The following TDRD3 variants were observed in gnomAD, a reference collection of about 807,000 sequenced individuals.
The protein encoded by TDRD3 is tudor domain containing 3, also known as tudor domain-containing protein 3.
A neutral mutation model predicts 86.7 loss-of-function variants in TDRD3; 45 were observed. The observed-to-expected ratio is 0.52, with a 90% confidence interval of 0.41 to 0.67. The LOEUF is 0.67. TDRD3 is among the 30% of genes least tolerant of loss of function. TDRD3 has a pLI of 0.00. For synonymous variants in TDRD3, 298 were observed against 301.7 expected (o/e 0.99, Z 0.13); for missense variants, 814 against 889.0 (o/e 0.92, Z 1.07).
chr13:60,398,305 A>T (rs895735705), intron 1 of TDRD3, among the ~76,000 whole-genome samples: 4 of 152,116 alleles, frequency 2.6e-5, no homozygotes, highest in African/African-American at 9.7e-5. Flanking sequence ...TAAAAGACCA[A>T]ACAAAACCAG....
At chr13:60,412,885 G>A (rs1219513313) in intron 1 of TDRD3, among the ~76,000 whole-genome samples, 1 of 152,046 alleles carries the variant, frequency 6.6e-6, no homozygotes, top group Non-Finnish European at 1.5e-5. Context: ...TTAAGCAAAA[G>A]TATATGTAAA....
At chr13:60,509,513 A>C in intron 8 of TDRD3, 1 of 423,844 alleles carries the variant, frequency 2.4e-6, no homozygotes, top group Non-Finnish European at 4.3e-6. Context: ...CATATCATAA[A>C]ATTTATTTTT....
chr13:60,482,358 C>G (rs1277776474), intron 5 of TDRD3, among the ~76,000 whole-genome samples: 2 of 152,022 alleles, frequency 1.3e-5, no homozygotes. Flanking sequence ...GGATAATAGT[C>G]TTGCATTATC....
intron 1 of TDRD3, among the ~76,000 whole-genome samples, chr13:60,402,881 G>A (rs1010889611): frequency 2.0e-5 from 3 of 151,992 alleles, no homozygotes; most frequent in African/African-American, 7.3e-5. Flanking sequence ...TCAGATTTTA[G>A]TGGAGCTTAT....
intron 3 of TDRD3, 80 bp downstream of exon 3, chr13:60,444,828 T>C: frequency 1.2e-6 from 1 of 863,152 alleles, no homozygotes; most frequent in Non-Finnish European, 1.7e-6. Flanking sequence ...TTACTTTTTG[T>C]CAATAAAGAC....
intron 12 of TDRD3, among the ~76,000 whole-genome samples, chr13:60,546,444 T>C (rs1279731593): frequency 2.6e-5 from 4 of 152,074 alleles, no homozygotes; most frequent in African/African-American, 9.7e-5. Context: ...AATTTTGTTA[T>C]AGAAGTTTAA....
intron 12 of TDRD3, among the ~76,000 whole-genome samples, chr13:60,559,150 C>G (rs1310610134): frequency 6.6e-6 from 1 of 152,160 alleles, no homozygotes; most frequent in Non-Finnish European, 1.5e-5. Context: ...ATAGCCAACA[C>G]TGCCTATTTG....
chr13:60,451,414 C>T (rs952093059), intron 3 of TDRD3, among the ~76,000 whole-genome samples: 1 of 152,144 alleles, frequency 6.6e-6, no homozygotes, highest in African/African-American at 2.4e-5. Context: ...AGATGCTTGC[C>T]GTGTGCTGGA....
At chr13:60,565,545 G>A (rs1048186381) in intron 12 of TDRD3, among the ~76,000 whole-genome samples, 12 of 152,032 alleles carry the variant, frequency 7.9e-5, no homozygotes, top group Non-Finnish European at 1.8e-4. Flanking sequence ...TAGCATTGTC[G>A]TTTTTATTAT....
At chr13:60,478,452 G>A (rs1337568396) in intron 5 of TDRD3, among the ~76,000 whole-genome samples, 3 of 151,824 alleles carry the variant, frequency 2.0e-5, no homozygotes, top group Admixed American at 6.6e-5. Flanking sequence ...TTGCAAGCCC[G>A]TGCCACCACA....
intron 8 of TDRD3, among the ~76,000 whole-genome samples, chr13:60,498,941 T>C (rs1956774221): frequency 6.6e-6 from 1 of 152,098 alleles, no homozygotes; most frequent in Non-Finnish European, 1.5e-5. Flanking sequence ...GTGGGTCCAG[T>C]GGGTACGCGG....
chr13:60,469,976 A>G lies in TDRD3; in HGVS notation c.495+2597A>G, dbSNP rs112074471. The stretch of plus-strand genomic sequence containing the variant: ...GCATTGTTGCACAGCTGGTACCACC[A>G]TCCACTTCCCTAACTTTTTCATCTT... On this transcript the variant is annotated intron_variant, in intron 5 of 13. Transcript: ENST00000377881. Among the ~76,000 whole-genome samples, 514 of 152,326 alleles carry G rather than the reference A, an allele frequency of 3.4e-3. 4 individuals carry two copies. Among genetic ancestry groups the G allele is most frequent in the African/African-American group, 0.012 (490 of 41,582 alleles).
At chr13:60,464,483 C>T (rs1005794438) in intron 4 of TDRD3, among the ~76,000 whole-genome samples, 4 of 151,888 alleles carry the variant, frequency 2.6e-5, no homozygotes, top group African/African-American at 9.7e-5. Context: ...TTCACAATAC[C>T]CACGATATGG....
At chr13:60,567,096 A>T (rs571694509) in intron 12 of TDRD3, among the ~76,000 whole-genome samples, 2 of 152,170 alleles carry the variant, frequency 1.3e-5, no homozygotes, top group African/African-American at 4.8e-5. Context: ...TCTTTATTCT[A>T]CCAAAACACT....
intron 10 of TDRD3, among the ~76,000 whole-genome samples, 197 bp downstream of exon 10, chr13:60,510,952 CT>C (rs1158232657): frequency 6.6e-6 from 1 of 152,164 alleles, no homozygotes; most frequent in East Asian, 1.9e-4. Flanking sequence ...ATTTTGCCCC[CT>C]AACTGGGATT....
chr13:60,495,355 G>C (rs1385822674), intron 8 of TDRD3, among the ~76,000 whole-genome samples: 1 of 152,280 alleles, frequency 6.6e-6, no homozygotes, highest in Non-Finnish European at 1.5e-5. Flanking sequence ...GATTTATCAA[G>C]ACAGGGGAAT....
rs764052304 is a variant in TDRD3, at chr13:60,451,539, TAC to T, written c.192+6793_192+6794del. Among the ~76,000 whole-genome samples the T allele has an allele frequency of 2.0e-4, 30 of 152,310 alleles. No homozygotes were observed. In the Middle Eastern group the frequency reaches 0.01, roughly 52 times the overall value. ...ATGGAAATTGGCACAAATTACAGAT[TAC>T]AGTGGCTTTTCCCCTGTCCCTCTAC... On this transcript the variant is annotated intron_variant, in intron 3 of 13. Transcript: ENST00000377881.
At chr13:60,529,251 T>G in intron 11 of TDRD3, 34 bp downstream of exon 11, 1 of 1,522,316 alleles carries the variant, frequency 6.6e-7, no homozygotes, top group Non-Finnish European at 8.8e-7. Context: ...TACACTAATA[T>G]TACGAAATGT....
intron 13 of TDRD3, among the ~76,000 whole-genome samples, chr13:60,573,404 A>G (rs917464685): frequency 6.6e-6 from 1 of 152,260 alleles, no homozygotes; most frequent in African/African-American, 2.4e-5. Flanking sequence ...GTCTAAAAAA[A>G]AAATTTATTT....
Sources: allele counts gnomAD v4.1 joint callset (sites outside exome capture counted in the v4.1 genomes callset), GRCh38; gene constraint gnomAD v4.1.1; transcripts MANE v1.5; gene names NCBI Gene and HGNC (gene_info 2026-07-23, HGNC 2026-07-21).